HIBADH: variants seen among roughly 807,000 people sequenced by gnomAD.
HIBADH encodes 3-hydroxyisobutyrate dehydrogenase, mitochondrial.
In HIBADH, 25 loss-of-function variants were observed where a neutral mutation model predicts 36.1. The ratio of observed to expected loss-of-function variants is 0.69; its 90% CI spans 0.50 to 0.97. The LOEUF is 0.97. Ranked by LOEUF, HIBADH falls within the 50% of genes least tolerant of loss-of-function variation. The pLI, the probability that HIBADH is intolerant of heterozygous loss-of-function variation, is 0.00. For synonymous variants in HIBADH, 160 were observed against 149.5 expected, an observed-to-expected ratio of 1.07 and a Z score of -0.51; for missense variants, 421 against 418.0, an observed-to-expected ratio of 1.01 and a Z score of -0.06.
intron 1 of HIBADH, 43 bp downstream of exon 1, chr7:27,662,655 C>T: frequency 1.7e-6 from 2 of 1,183,452 alleles, no homozygotes; most frequent in South Asian, 3.0e-5. Flanking sequence ...AAGAAGCGAG[C>T]GGCCGAAAGA....
At chr7:27,618,421 G>C (rs1785472482) in intron 4 of HIBADH, among the ~76,000 whole-genome samples, 1 of 152,204 alleles carries the variant, frequency 6.6e-6, no homozygotes, top group Non-Finnish European at 1.5e-5. Context: ...GCCACAACCA[G>C]TATCGCAGCC....
At chr7:27,539,032 G>C (rs759279941) in intron 5 of HIBADH, among the ~76,000 whole-genome samples, 3 of 152,170 alleles carry the variant, frequency 2.0e-5, no homozygotes, top group Non-Finnish European at 4.4e-5. Flanking sequence ...TTAAGGAATG[G>C]TGAGAAATTT....
intron 4 of HIBADH, among the ~76,000 whole-genome samples, chr7:27,621,443 A>T (rs1264859595): frequency 6.6e-6 from 1 of 152,364 alleles, no homozygotes; most frequent in East Asian, 1.9e-4. Context: ...TATATGGAAC[A>T]TTCTCCAGAA....
intron 4 of HIBADH, among the ~76,000 whole-genome samples, chr7:27,553,359 T>A (rs1432942916): frequency 6.6e-6 from 1 of 152,216 alleles, no homozygotes; most frequent in Non-Finnish European, 1.5e-5. Flanking sequence ...CTATCCCAAG[T>A]TGGCAGCTGC....
At chr7:27,551,873 T>A (rs1012153962) in intron 4 of HIBADH, among the ~76,000 whole-genome samples, 1 of 152,220 alleles carries the variant, frequency 6.6e-6, no homozygotes, top group Admixed American at 6.5e-5. Context: ...CCAATGGGAC[T>A]TGGGCTGCAA....
chr7:27,590,629 C>CTAA (rs1176028132), intron 4 of HIBADH, among the ~76,000 whole-genome samples: 1 of 152,162 alleles, frequency 6.6e-6, no homozygotes, highest in Admixed American at 6.5e-5. Context: ...CACCACCCAC[C>CTAA]TAATCCCTTT....
At chr7:27,628,391 T>C (rs965833030) in intron 4 of HIBADH, among the ~76,000 whole-genome samples, 2 of 152,124 alleles carry the variant, frequency 1.3e-5, no homozygotes, top group Non-Finnish European at 2.9e-5. Flanking sequence ...TTAATGTAAC[T>C]GGAATAAAAT....
intron 2 of HIBADH, among the ~76,000 whole-genome samples, chr7:27,637,446 C>T (rs1785860469): frequency 6.6e-6 from 1 of 151,896 alleles, no homozygotes; most frequent in African/African-American, 2.4e-5. Context: ...AACAGAAACA[C>T]GAATATAATA....
At chr7:27,597,149 C>T (rs1382738650) in intron 4 of HIBADH, among the ~76,000 whole-genome samples, 2 of 151,738 alleles carry the variant, frequency 1.3e-5, no homozygotes, top group South Asian at 2.1e-4. Flanking sequence ...AAAGAGACAG[C>T]GTAGCACAAA....
In HIBADH at chr7:27,562,898, C is replaced by T. The variant is rs73287979; in HGVS notation, c.485-19798G>A. Among the ~76,000 whole-genome samples the T allele has an allele frequency of 4.4e-3, 670 of 152,200 alleles. 5 individuals carry two copies. The highest frequency in any genetic ancestry group is 0.015 in the African/African-American group (643 of 41,520). On this transcript the variant is annotated intron_variant, in intron 4 of 7. Coordinates refer to ENST00000265395, the MANE Select transcript of HIBADH (RefSeq NM_152740.4). ...TTTACTGAAAATGTCTATGTTTAAT[C>T]ATCATTCCTTTTTTTATTTTGAAAT...
chr7:27,631,648 G>A (rs917190830), intron 3 of HIBADH, among the ~76,000 whole-genome samples: 4 of 152,178 alleles, frequency 2.6e-5, no homozygotes, highest in Non-Finnish European at 5.9e-5. Context: ...TCAGAGCCAG[G>A]GAAGACAGGC....
In HIBADH at chr7:27,645,752, T is replaced by C. The variant is rs55877469; in HGVS notation, c.252+3721A>G. ...TCACATGTTTACTGGGTCATTCATA[T>C]ATCTTCCTGGGAGAAATGTCTATTA... On this transcript the variant is annotated intron_variant, in intron 2 of 7. Transcript: ENST00000265395. 8.3e-3 allele frequency among the ~76,000 whole-genome samples: 1,259 copies of C among 152,256 alleles called. 13 individuals carry two copies. Among genetic ancestry groups the C allele is most frequent in the African/African-American group, 0.024 (982 of 41,546 alleles).
At chr7:27,644,974 GCAGC>G (rs1259235702) in intron 2 of HIBADH, among the ~76,000 whole-genome samples, 8 of 152,052 alleles carry the variant, frequency 5.3e-5, no homozygotes, top group Non-Finnish European at 1.0e-4. Flanking sequence ...TATCAATGTT[GCAGC>G]AAATATTAGT....
intron 4 of HIBADH, among the ~76,000 whole-genome samples, chr7:27,573,230 A>G (rs1784654077): frequency 6.6e-6 from 1 of 152,220 alleles, no homozygotes; most frequent in Admixed American, 6.5e-5. Flanking sequence ...TCAACTTTGA[A>G]TACTATCTCT....
At chr7:27,623,996 CATT>C (rs1785593842) in intron 4 of HIBADH, among the ~76,000 whole-genome samples, 1 of 152,140 alleles carries the variant, frequency 6.6e-6, no homozygotes, top group Admixed American at 6.5e-5. Flanking sequence ...ACAGGTTTCA[CATT>C]GTTGCCCAGG....
chr7:27,613,077 A>T (rs1165575276), intron 4 of HIBADH, among the ~76,000 whole-genome samples: 1 of 128,606 alleles, frequency 7.8e-6, no homozygotes, highest in African/African-American at 2.9e-5. Context: ...TATATTACAT[A>T]TAAAAATTAT....
At chr7:27,535,755 CTTT>C (rs201314026) in intron 6 of HIBADH, among the ~76,000 whole-genome samples, 1 of 145,374 alleles carries the variant, frequency 6.9e-6, no homozygotes, top group African/African-American at 2.5e-5. Context: ...TTACTCTTTA[CTTT>C]TTTTTTTTAA....
chr7:27,572,954 CA>C (rs1181406888), intron 4 of HIBADH, among the ~76,000 whole-genome samples: 13 of 151,904 alleles, frequency 8.6e-5, no homozygotes, highest in Non-Finnish European at 1.8e-4. Flanking sequence ...CATAAAACTA[CA>C]ACAGAAGAGT....
At chr7:27,546,119 A>AT (rs1436326740) in intron 4 of HIBADH, among the ~76,000 whole-genome samples, 2 of 151,828 alleles carry the variant, frequency 1.3e-5, no homozygotes, top group Non-Finnish European at 2.9e-5. Context: ...TTATTTATTT[A>AT]TTTTTTGAGA....
Sources: gnomAD v4.1 joint callset for allele counts (sites outside exome capture counted in the v4.1 genomes callset) on GRCh38, gnomAD v4.1.1 for gene constraint, MANE v1.5 for transcripts, NCBI Gene and HGNC (gene_info 2026-07-23, HGNC 2026-07-21) for gene names.